Variants in STEAP1B observed in about 807,000 individuals in gnomAD.
STEAP1B encodes the protein STEAP family member 1B.
A neutral mutation model predicts 27.9 loss-of-function variants in STEAP1B; 13 were observed. The ratio of observed to expected loss-of-function variants is 0.47; its 90% CI spans 0.30 to 0.74. The LOEUF is 0.74. Ranked by LOEUF, STEAP1B falls within the 30% of genes least tolerant of loss-of-function variation. STEAP1B has a pLI of 0.06. For synonymous variants in STEAP1B, 86 were observed against 107.1 expected (o/e 0.80, Z 1.22); for missense variants, 250 against 298.7 (o/e 0.84, Z 1.20).
chr7:22,443,767 A>C (rs1785368390), intron 4 of STEAP1B, among the ~76,000 whole-genome samples: 1 of 152,184 alleles, frequency 6.6e-6, no homozygotes, highest in South Asian at 2.1e-4. Context: ...CTTTTTCTGC[A>C]TTCAGCTCCC....
chr7:22,439,514 G>A (rs1203447692), intron 4 of STEAP1B, among the ~76,000 whole-genome samples: 1 of 152,020 alleles, frequency 6.6e-6, no homozygotes. Flanking sequence ...ACATTGTTGG[G>A]ACTGCTGCTA....
intron 1 of STEAP1B, among the ~76,000 whole-genome samples, chr7:22,498,787 G>A (rs1167772222): frequency 6.6e-6 from 1 of 151,202 alleles, no homozygotes; most frequent in Admixed American, 6.6e-5. Flanking sequence ...CAGGTTGGCA[G>A]TGTTTGCTGA....
intron 4 of STEAP1B, among the ~76,000 whole-genome samples, chr7:22,445,945 G>A (rs1331998534): frequency 6.6e-6 from 1 of 152,176 alleles, no homozygotes; most frequent in African/African-American, 2.4e-5. Flanking sequence ...CAACTGGAGA[G>A]TTTTTAAAAA....
intron 4 of STEAP1B, among the ~76,000 whole-genome samples, chr7:22,445,044 G>A (rs1785389066): frequency 6.6e-6 from 1 of 152,186 alleles, no homozygotes; most frequent in Non-Finnish European, 1.5e-5. Context: ...GAAAGAGAAA[G>A]GGCCATTGTT....
At chr7:22,459,342 C>T (rs1438245705) in intron 4 of STEAP1B, among the ~76,000 whole-genome samples, 2 of 152,224 alleles carry the variant, frequency 1.3e-5, no homozygotes, top group African/African-American at 4.8e-5. Flanking sequence ...ATCTGAAAGA[C>T]GAGAAAGCTG....
chr7:22,457,060 C>A (rs907293112), intron 4 of STEAP1B, among the ~76,000 whole-genome samples: 1 of 148,228 alleles, frequency 6.7e-6, no homozygotes, highest in African/African-American at 2.5e-5. Flanking sequence ...AGCTGGACAG[C>A]GTCTTCCAAA....
intron 4 of STEAP1B, among the ~76,000 whole-genome samples, chr7:22,446,704 A>C (rs536621424): frequency 3.9e-5 from 6 of 152,220 alleles, no homozygotes; most frequent in Admixed American, 3.9e-4. Flanking sequence ...CCAAGATTAG[A>C]GTTAATAAGG....
chr7:22,444,843 A>C (rs1483546131), intron 4 of STEAP1B, among the ~76,000 whole-genome samples: 1 of 152,158 alleles, frequency 6.6e-6, no homozygotes, highest in African/African-American at 2.4e-5. Flanking sequence ...GTGAAAAACC[A>C]ATCAGGTATT....
intron 4 of STEAP1B, among the ~76,000 whole-genome samples, chr7:22,477,092 T>C (rs929130156): frequency 2.0e-5 from 3 of 152,182 alleles, no homozygotes; most frequent in Non-Finnish European, 4.4e-5. Context: ...ACCTTCCCCA[T>C]ACAAGGGAAC....
At chr7:22,446,519 G>A (rs1257277721) in intron 4 of STEAP1B, among the ~76,000 whole-genome samples, 1 of 152,318 alleles carries the variant, frequency 6.6e-6, no homozygotes, top group East Asian at 1.9e-4. Flanking sequence ...GCCTGCTATA[G>A]GTTGATAAAC....
intron 4 of STEAP1B, among the ~76,000 whole-genome samples, chr7:22,462,486 G>C (rs1181909806): frequency 7.6e-6 from 1 of 131,112 alleles, no homozygotes; most frequent in African/African-American, 2.9e-5. Context: ...GCGGTGTTTG[G>C]TTTTTTGTTC....
chr7:22,438,535 T>C (rs1785283422), intron 4 of STEAP1B: 2 of 1,551,836 alleles, frequency 1.3e-6, no homozygotes, highest in Non-Finnish European at 1.7e-6. Flanking sequence ...TTTATTGAGA[T>C]TTTCTAGATG....
At chr7:22,438,485 A>G in intron 4 of STEAP1B, 1 of 1,547,968 alleles carries the variant, frequency 6.5e-7, no homozygotes, top group African/African-American at 1.4e-5. Flanking sequence ...ACTTTCATGC[A>G]TGCTTAAATC....
intron 4 of STEAP1B, among the ~76,000 whole-genome samples, chr7:22,461,979 G>A (rs955351926): frequency 2.6e-5 from 4 of 152,138 alleles, no homozygotes; most frequent in Non-Finnish European, 5.9e-5. Flanking sequence ...GTAAACGCTT[G>A]GTAATAGTTA....
intron 4 of STEAP1B, among the ~76,000 whole-genome samples, chr7:22,485,474 T>C (rs115998149): frequency 0.011 from 1,644 of 152,346 alleles, 20 homozygotes; most frequent in South Asian, 0.038. Flanking sequence ...TAATAGACTA[T>C]AGTGTAGTAT....
chr7:22,480,082 C>T (rs892326378), intron 4 of STEAP1B, among the ~76,000 whole-genome samples: 2 of 152,182 alleles, frequency 1.3e-5, no homozygotes, highest in South Asian at 2.1e-4. Flanking sequence ...TTCTGTCATA[C>T]AGTGTTGTTC....
intron 4 of STEAP1B, among the ~76,000 whole-genome samples, chr7:22,471,073 C>G (rs1785874044): frequency 2.6e-5 from 4 of 152,062 alleles, no homozygotes; most frequent in Admixed American, 2.6e-4. Context: ...ATTTTTTCCC[C>G]CTTTCCTTCT....
Position 22,438,430 on chromosome 7 carries a change from T to C in STEAP1B, c.763-18594A>G, listed in dbSNP as rs1038112545. 20 of 1,499,736 alleles carry C rather than the reference T, an allele frequency of 1.3e-5. No individual in the cohort carries two copies. In the African/African-American group the frequency reaches 2.8e-4, roughly 21 times the overall value. The allele number at this position is 1,499,736 out of a possible 1,614,324, so 92.9% of individuals were successfully genotyped here. Reference sequence around the variant, plus strand: ...TGTACTTCCAGCTTCTACCATGGTCTGGTCTGCAAGTATGTAAGATGTATG... The same window carrying C: ...TGTACTTCCAGCTTCTACCATGGTCCGGTCTGCAAGTATGTAAGATGTATG... On this transcript the variant is annotated intron_variant, in intron 4 of 4. Coordinates refer to ENST00000678116, the MANE Select transcript of STEAP1B (RefSeq NM_001382447.1).
chr7:22,425,885 A>G (rs1441412245), intron 4 of STEAP1B, among the ~76,000 whole-genome samples: 1 of 152,252 alleles, frequency 6.6e-6, no homozygotes, highest in Non-Finnish European at 1.5e-5. Flanking sequence ...TCCCAGAACT[A>G]CTTCCCATTA....
Sources: gnomAD v4.1 joint callset for allele counts (sites outside exome capture counted in the v4.1 genomes callset) on GRCh38, gnomAD v4.1.1 for gene constraint, MANE v1.5 for transcripts, NCBI Gene and HGNC (gene_info 2026-07-23, HGNC 2026-07-21) for gene names.